Variants in NBAS observed in about 807,000 individuals in gnomAD.
NBAS encodes NAG/BC035112 fusion.
NBAS carries 219 observed loss-of-function variants against 302.5 expected under a neutral mutation model. That is an observed-to-expected ratio of 0.72 (90% CI 0.65 to 0.81). NBAS has a LOEUF of 0.81. Among genes scored for constraint, NBAS ranks in the 30% least tolerant of loss-of-function variants. The pLI is 0.00. For synonymous variants in NBAS, 1,118 were observed against 1,021.6 expected (o/e 1.09, Z -1.80); for missense variants, 2,932 against 2,841.6 (o/e 1.03, Z -0.72).
At chr2:15,464,764 C>G (rs1273390928) in intron 19 of NBAS, among the ~76,000 whole-genome samples, 1 of 152,200 alleles carries the variant, frequency 6.6e-6, no homozygotes, top group Non-Finnish European at 1.5e-5. Context: ...CAACTACTTA[C>G]ATGGCAGGAG....
intron 3 of NBAS, among the ~76,000 whole-genome samples, chr2:15,555,372 T>C (rs1184520926): frequency 6.6e-6 from 1 of 151,858 alleles, no homozygotes; most frequent in African/African-American, 2.4e-5. Context: ...ATACAAAACA[T>C]GTATGTGAAT....
the NBAS span, among the ~76,000 whole-genome samples, chr2:14,900,618 A>G: frequency 6.6e-6 from 1 of 152,248 alleles, no homozygotes; most frequent in East Asian, 1.9e-4. Context: ...TAAAATAACA[A>G]CTCCATTATG....
chr2:15,168,410 A>G (rs2125097184), intron 51 of NBAS, among the ~76,000 whole-genome samples: 1 of 152,346 alleles, frequency 6.6e-6, no homozygotes, highest in African/African-American at 2.4e-5. Context: ...TACTGAGAAT[A>G]AAATCCTGCC....
At chr2:15,028,504 T>G in the NBAS span, among the ~76,000 whole-genome samples, 2 of 152,244 alleles carry the variant, frequency 1.3e-5, no homozygotes, top group Non-Finnish European at 1.5e-5. Context: ...GATTGTGTCA[T>G]TTTCCTGCTT....
At chr2:14,945,571 A>C in the NBAS span, among the ~76,000 whole-genome samples, 7 of 152,320 alleles carry the variant, frequency 4.6e-5, no homozygotes, top group African/African-American at 9.6e-5. Flanking sequence ...TTATCATAAA[A>C]ATTTAATGAG....
At chr2:14,795,271 C>T in the NBAS span, among the ~76,000 whole-genome samples, 17 of 152,260 alleles carry the variant, frequency 1.1e-4, no homozygotes, top group African/African-American at 3.6e-4. Flanking sequence ...CACCTAGTAT[C>T]GTCAGTCTTT....
intron 10 of NBAS, among the ~76,000 whole-genome samples, chr2:15,507,179 A>G (rs1661898082): frequency 6.6e-6 from 1 of 152,242 alleles, no homozygotes; most frequent in Non-Finnish European, 1.5e-5. Context: ...AGAGTGGGAG[A>G]TCTAGTGGAC....
chr2:15,189,732 G>A (rs1299273416), intron 49 of NBAS, among the ~76,000 whole-genome samples: 1 of 152,156 alleles, frequency 6.6e-6, no homozygotes, highest in Non-Finnish European at 1.5e-5. Flanking sequence ...CCAGCAGTTG[G>A]TTAGAATTCT....
the NBAS span, among the ~76,000 whole-genome samples, chr2:14,947,105 G>C: frequency 6.6e-6 from 1 of 151,844 alleles, no homozygotes; most frequent in Non-Finnish European, 1.5e-5. Context: ...TACACCTCAA[G>C]GTACCAGAAA....
At chr2:15,318,295 C>G (rs1443947362) in intron 38 of NBAS, among the ~76,000 whole-genome samples, 1 of 152,112 alleles carries the variant, frequency 6.6e-6, no homozygotes, top group Non-Finnish European at 1.5e-5. Flanking sequence ...TAAAAACATG[C>G]CAAATTGTAA....
chr2:15,465,861 G>C (rs1334253616), intron 19 of NBAS, among the ~76,000 whole-genome samples: 2 of 151,910 alleles, frequency 1.3e-5, no homozygotes, highest in Non-Finnish European at 2.9e-5. Context: ...AACATTTTAG[G>C]CACTTTTTAA....
chr2:15,396,554 G>A, intron 26 of NBAS, 79 bp from the exon 27 acceptor site: 1 of 935,778 alleles, frequency 1.1e-6, no homozygotes, highest in Non-Finnish European at 1.6e-6. Flanking sequence ...ACTTAATGAA[G>A]TGAAAAAAAG....
At chr2:14,821,829 G>A in the NBAS span, among the ~76,000 whole-genome samples, 14 of 151,850 alleles carry the variant, frequency 9.2e-5, no homozygotes, top group Non-Finnish European at 1.6e-4. Flanking sequence ...TGGCCAAGAC[G>A]GTGAAACCCT....
the NBAS span, among the ~76,000 whole-genome samples, chr2:14,792,730 T>C: frequency 1.7e-4 from 25 of 151,326 alleles, no homozygotes; most frequent in Non-Finnish European, 3.4e-4. Context: ...AGACAAAATG[T>C]TCAGAATACA....
chr2:15,059,570 C>A, the NBAS span, among the ~76,000 whole-genome samples: 2 of 152,066 alleles, frequency 1.3e-5, no homozygotes, highest in African/African-American at 4.8e-5. Context: ...TCACATAGAA[C>A]CCTGGGAGCC....
At chr2:14,812,824 C>T in the NBAS span, among the ~76,000 whole-genome samples, 8 of 152,084 alleles carry the variant, frequency 5.3e-5, no homozygotes, top group African/African-American at 1.4e-4. Context: ...ACCCAAATCG[C>T]GTGTTGATTT....
At chr2:15,144,946 T>C in the NBAS span, among the ~76,000 whole-genome samples, 523 of 151,446 alleles carry the variant, frequency 3.5e-3, 7 homozygotes, top group African/African-American at 0.012. Context: ...TACTGCAAAG[T>C]GGCTGGCTTA....
At chr2:15,166,717 T>C (rs1048635722), downstream of NBAS, among the ~76,000 whole-genome samples, 23 of 152,234 alleles carry the variant, frequency 1.5e-4, no homozygotes, top group African/African-American at 5.5e-4. Flanking sequence ...CCTCCCTTCC[T>C]AATGCCACCC....
the NBAS span, among the ~76,000 whole-genome samples, chr2:14,970,074 A>G: frequency 6.6e-6 from 1 of 152,250 alleles, no homozygotes. Flanking sequence ...AAAATTATCT[A>G]AATCTAACTT....
Sources: allele counts gnomAD v4.1 joint callset (sites outside exome capture counted in the v4.1 genomes callset), GRCh38; gene constraint gnomAD v4.1.1; transcripts MANE v1.5; gene names NCBI Gene and HGNC (gene_info 2026-07-23, HGNC 2026-07-21).